The following NIM1K variants were observed in gnomAD, a reference collection of about 807,000 sequenced individuals.
The protein encoded by NIM1K is NIM1 serine/threonine protein kinase, also known as serine/threonine-protein kinase NIM1.
NIM1K carries 35 observed loss-of-function variants against 37.1 expected under a neutral mutation model. That is an observed-to-expected ratio of 0.94 (90% CI 0.72 to 1.25). The LOEUF is 1.25. Among genes scored for constraint, NIM1K ranks in the 50% most tolerant of loss-of-function variants. The pLI is 0.00. For synonymous variants in NIM1K, 234 were observed against 206.6 expected (o/e 1.13, Z -1.14); for missense variants, 564 against 548.0 (o/e 1.03, Z -0.29).
chr5:43,262,800 G>A (rs1753053988), intron 2 of NIM1K, among the ~76,000 whole-genome samples: 1 of 152,074 alleles, frequency 6.6e-6, no homozygotes, highest in South Asian at 2.1e-4. Context: ...CTATTTTATT[G>A]AGAATTTTTA....
At chr5:43,271,284 G>A (rs865975872) in intron 2 of NIM1K, among the ~76,000 whole-genome samples, 4 of 151,972 alleles carry the variant, frequency 2.6e-5, no homozygotes, top group Admixed American at 6.6e-5. Flanking sequence ...CCGTATGCCA[G>A]CCCTACTTTC....
Position 43,280,677 on chromosome 5 carries a change from C to A in NIM1K, c.1259C>A (p.Ser420Tyr). The A allele has an allele frequency of 6.2e-7, 1 of 1,613,138 alleles. No individual in the cohort carries two copies. Among genetic ancestry groups the A allele is most frequent in the Non-Finnish European group, 8.5e-7 (1 of 1,179,810 alleles). The change falls in exon 4 of 4, where the codon TCC becomes TAC. Residue 420 changes from serine to tyrosine, a missense_variant. Coordinates refer to ENST00000326035, the MANE Select transcript of NIM1K (RefSeq NM_153361.4). ...DPKERDLKKG[S>Y]RVYRGIRHTS... ...AAAGAAAGAGACCTCAAAAAAGGGT[C>A]CCGTGTCTACAGAGGGATAAGACAC...
At chr5:43,244,453 A>G (rs1752748177) in intron 1 of NIM1K, among the ~76,000 whole-genome samples, 1 of 152,204 alleles carries the variant, frequency 6.6e-6, no homozygotes, top group African/African-American at 2.4e-5. Context: ...CAGAAAAAAA[A>G]CATCCCGATG....
At chr5:43,278,376 T>C (rs1313143834) in intron 3 of NIM1K, among the ~76,000 whole-genome samples, 1 of 152,214 alleles carries the variant, frequency 6.6e-6, no homozygotes, top group Non-Finnish European at 1.5e-5. Context: ...GTTCTTTGGT[T>C]ACTTCTTTAG....
In NIM1K at chr5:43,245,841, C is replaced by T. The variant is rs139871111; in HGVS notation, c.66C>T (p.Arg22=). The part of the protein sequence containing the change: ...VNPHYARWDR[R]DSVESGCQTE... ...CCCACTATGCCCGGTGGGATCGGCG[C>T]GACAGTGTAGAAAGTGGCTGTCAGA... The change falls in exon 2 of 4, where the codon CGC becomes CGT. Residue 22 remains arginine, a synonymous_variant. Coordinates refer to ENST00000326035, the MANE Select transcript of NIM1K (RefSeq NM_153361.4). 180 of 1,613,788 alleles carry T rather than the reference C, an allele frequency of 1.1e-4. No homozygotes were observed. In the African/African-American group the frequency reaches 1.9e-3, roughly 17 times the overall value.
intron 2 of NIM1K, among the ~76,000 whole-genome samples, chr5:43,271,805 C>T (rs534334035): frequency 7.9e-5 from 12 of 152,316 alleles, no homozygotes; most frequent in Admixed American, 6.5e-5. Context: ...TCAAGTGGCT[C>T]TTCTGTAGCC....
chr5:43,205,613 G>A (rs1222046328), intron 1 of NIM1K, among the ~76,000 whole-genome samples: 1 of 151,812 alleles, frequency 6.6e-6, no homozygotes, highest in Non-Finnish European at 1.5e-5. Flanking sequence ...TAAAAAAAAT[G>A]GCTACTCTCA....
intron 1 of NIM1K, among the ~76,000 whole-genome samples, chr5:43,209,347 C>T (rs1051981112): frequency 7.9e-5 from 12 of 152,174 alleles, no homozygotes; most frequent in African/African-American, 2.2e-4. Flanking sequence ...TCATCAAACC[C>T]GCAGTGTTTC....
At chr5:43,219,968 G>A (rs909732693) in intron 1 of NIM1K, among the ~76,000 whole-genome samples, 5 of 151,860 alleles carry the variant, frequency 3.3e-5, no homozygotes, top group African/African-American at 4.8e-5. Context: ...CTCGTGATCC[G>A]CCCACCTCGG....
intron 2 of NIM1K, among the ~76,000 whole-genome samples, chr5:43,257,080 T>A (rs956632354): frequency 1.3e-5 from 2 of 150,884 alleles, no homozygotes; most frequent in African/African-American, 4.9e-5. Flanking sequence ...TATCCAGCAT[T>A]GAAAAGGAGG....
At chr5:43,237,222 G>C (rs1183657267) in intron 1 of NIM1K, among the ~76,000 whole-genome samples, 1 of 152,222 alleles carries the variant, frequency 6.6e-6, no homozygotes, top group Non-Finnish European at 1.5e-5. Flanking sequence ...TAAACTCAGA[G>C]AGAACAAAGG....
intron 2 of NIM1K, among the ~76,000 whole-genome samples, chr5:43,261,045 A>G (rs1753020414): frequency 6.6e-6 from 1 of 152,160 alleles, no homozygotes; most frequent in Non-Finnish European, 1.5e-5. Flanking sequence ...AGTCTTTGCT[A>G]TTGTGAATAG....
At chr5:43,216,114 T>A (rs1001574489) in intron 1 of NIM1K, among the ~76,000 whole-genome samples, 7 of 152,124 alleles carry the variant, frequency 4.6e-5, no homozygotes, top group Non-Finnish European at 1.0e-4. Flanking sequence ...TAAAGAAATG[T>A]AAATACCCTT....
At chr5:43,275,896 A>AT (rs35301860) in intron 2 of NIM1K, among the ~76,000 whole-genome samples, 10,604 of 134,568 alleles carry the variant, frequency 0.079, 653 homozygotes, top group African/African-American at 0.16. Context: ...AAATTGAGTA[A>AT]TTTTTTTTTT....
At chr5:43,206,567 G>A (rs1274400697) in intron 1 of NIM1K, 1 of 506,778 alleles carries the variant, frequency 2.0e-6, no homozygotes, top group African/African-American at 2.0e-5. Context: ...TAAATTAGGA[G>A]GGTCTTGAAG....
At chr5:43,252,625 A>G (rs1752881938) in intron 2 of NIM1K, among the ~76,000 whole-genome samples, 2 of 151,990 alleles carry the variant, frequency 1.3e-5, no homozygotes, top group South Asian at 4.1e-4. Flanking sequence ...CTGGATCTCT[A>G]CAAAGGAGGC....
chr5:43,199,462 T>G (rs1273791483), intron 1 of NIM1K, among the ~76,000 whole-genome samples: 2 of 152,038 alleles, frequency 1.3e-5, no homozygotes, highest in African/African-American at 2.4e-5. Flanking sequence ...ATCAGAGACC[T>G]AGTTTATTCC....
intron 1 of NIM1K, among the ~76,000 whole-genome samples, chr5:43,213,405 C>T (rs947802893): frequency 3.3e-5 from 5 of 151,630 alleles, no homozygotes; most frequent in Non-Finnish European, 7.4e-5. Flanking sequence ...TCTTGGCTCG[C>T]TGCAACCTCC....
chr5:43,247,349 G>T (rs551634041), intron 2 of NIM1K, among the ~76,000 whole-genome samples: 1 of 152,036 alleles, frequency 6.6e-6, no homozygotes, highest in South Asian at 2.1e-4. Flanking sequence ...TACTTCATAC[G>T]GTATCATAAG....
Sources: gnomAD v4.1 joint callset for allele counts (sites outside exome capture counted in the v4.1 genomes callset) on GRCh38, gnomAD v4.1.1 for gene constraint, MANE v1.5 for transcripts, NCBI Gene and HGNC (gene_info 2026-07-23, HGNC 2026-07-21) for gene names.